The following CFAP47 variants were observed in gnomAD, a reference collection of about 807,000 sequenced individuals.
CFAP47 encodes the protein cilia and flagella associated protein 47.
Under a neutral mutation model 148.1 loss-of-function variants are expected in CFAP47, and 29 were observed. The observed-to-expected ratio is 0.20, with a 90% CI of 0.15 to 0.27. The LOEUF (loss-of-function observed/expected upper bound fraction) is 0.27. Among genes scored for constraint, CFAP47 ranks in the 10% least tolerant of loss-of-function variants. The pLI, the probability that CFAP47 is intolerant of heterozygous loss-of-function variation, is 1.00. For missense variants in CFAP47, 1,872 were observed against 1,697.5 expected, an observed-to-expected ratio of 1.10 and a Z score of -1.81; for synonymous variants, 664 against 577.3, an observed-to-expected ratio of 1.15 and a Z score of -2.15.
chrX:36,301,121 T>G lies in CFAP47; in HGVS notation c.7912T>G (p.Leu2638Val), dbSNP rs1325109995. 2 of 1,160,820 alleles carry G rather than the reference T, an allele frequency of 1.7e-6. No individual in the cohort carries two copies. The highest frequency in any genetic ancestry group is 2.3e-6 in the Non-Finnish European group (2 of 868,698). Reference protein sequence around the residue: ...MAEEFWYLLKLTIELPKPTTM... With the variant: ...MAEEFWYLLKVTIELPKPTTM... Reference sequence around the variant, plus strand: ...TGAAGAGTTCTGGTATTTACTGAAGTTAACTATTGAATTACCAAAACCAAC... The same window carrying G: ...TGAAGAGTTCTGGTATTTACTGAAGGTAACTATTGAATTACCAAAACCAAC... The change falls in exon 53 of 64, where the codon TTA (leucine) becomes GTA (valine). Residue 2638 changes from leucine to valine, a missense_variant. Physicochemically the swap from Leu to Val is conservative, Grantham distance 32. Transcript: ENST00000378653.
chrX:36,300,541 G>A (rs1343367029), intron 52 of CFAP47, among the ~76,000 whole-genome samples: 2 of 111,075 alleles, frequency 1.8e-5, no homozygotes, highest in African/African-American at 6.6e-5. Context: ...CGCCTGCCTC[G>A]GCCTCCCAAA....
intron 45 of CFAP47, chrX:36,211,577 C>G: frequency 3.5e-6 from 1 of 282,607 alleles, no homozygotes; most frequent in Non-Finnish European, 6.7e-6. Flanking sequence ...AGGAAAAATA[C>G]AAAAAGGATA....
chrX:36,227,762 G>A (rs782259180), intron 45 of CFAP47, among the ~76,000 whole-genome samples: 1 of 112,004 alleles, frequency 8.9e-6, no homozygotes, highest in South Asian at 3.7e-4. Flanking sequence ...AAAATCATTT[G>A]TTGTTTGTTG....
intron 18 of CFAP47, among the ~76,000 whole-genome samples, chrX:35,995,307 A>G (rs1936833954): frequency 9.0e-6 from 1 of 111,627 alleles, no homozygotes; most frequent in South Asian, 3.8e-4. Flanking sequence ...TAAGTTTTAG[A>G]TCATACAGGG....
intron 1 of CFAP47, among the ~76,000 whole-genome samples, chrX:35,925,076 A>G (rs1270849736): frequency 9.0e-6 from 1 of 111,646 alleles, no homozygotes; most frequent in Non-Finnish European, 1.9e-5. Context: ...TATAGTTAAT[A>G]ATAAAGTATT....
At chrX:36,206,492 T>A (rs1940040175) in intron 45 of CFAP47, among the ~76,000 whole-genome samples, 1 of 111,813 alleles carries the variant, frequency 8.9e-6, no homozygotes, top group Admixed American at 9.6e-5. Context: ...CACAGATAAG[T>A]AGCTCTTATA....
intron 49 of CFAP47, among the ~76,000 whole-genome samples, chrX:36,275,255 G>A (rs1231660409): frequency 9.2e-6 from 1 of 108,769 alleles, no homozygotes; most frequent in Non-Finnish European, 1.9e-5. Context: ...TGTATTTTTT[G>A]TAGGAACGGG....
intron 45 of CFAP47, among the ~76,000 whole-genome samples, chrX:36,224,572 A>G (rs943308257): frequency 9.8e-5 from 11 of 111,698 alleles, no homozygotes; most frequent in African/African-American, 2.9e-4. Flanking sequence ...GATATTTGAT[A>G]GCTTCTTTTA....
At chrX:36,160,179 T>G (rs56859649) in intron 38 of CFAP47, among the ~76,000 whole-genome samples, 2,613 of 111,479 alleles carry the variant, frequency 0.023, 74 homozygotes, top group African/African-American at 0.081. Context: ...AGGAAGGCAC[T>G]GAGATGCTCA....
At chrX:36,371,920 ATGTGTATATACACACATGTGTATATG>A (rs1569329848) in intron 62 of CFAP47, among the ~76,000 whole-genome samples, 1 of 54,271 alleles carries the variant, frequency 1.8e-5, no homozygotes, top group Non-Finnish European at 2.7e-5. Context: ...GTGTGTATAT[ATGTGTATATACACACATGTGTATATG>A]TGTGTGTATA....
At chrX:36,327,850 T>C (rs1347400670) in intron 57 of CFAP47, among the ~76,000 whole-genome samples, 1 of 111,418 alleles carries the variant, frequency 9.0e-6, no homozygotes, top group Non-Finnish European at 1.9e-5. Flanking sequence ...AGTAAGTTAA[T>C]GCAGGAACAG....
chrX:36,210,676 G>T (rs1940090120), intron 45 of CFAP47, among the ~76,000 whole-genome samples: 1 of 111,795 alleles, frequency 8.9e-6, no homozygotes, highest in Non-Finnish European at 1.9e-5. Context: ...TCTCTTGATA[G>T]TATCCTTTGA....
intron 57 of CFAP47, among the ~76,000 whole-genome samples, chrX:36,322,042 T>C (rs1556012081): frequency 9.0e-6 from 1 of 111,331 alleles, no homozygotes; most frequent in African/African-American, 3.3e-5. Context: ...GCTTTTTTGC[T>C]GTGTAATGAA....
intron 2 of CFAP47, among the ~76,000 whole-genome samples, chrX:35,932,187 TACAAACA>T (rs1935837770): frequency 2.7e-5 from 3 of 109,691 alleles, no homozygotes; most frequent in Admixed American, 2.0e-4. Flanking sequence ...TTGCTTGGAC[TACAAACA>T]TGCACCACCA....
Position 35,975,896 on chromosome X carries a change from C to A in CFAP47, c.2696C>A (p.Ser899Tyr). The A allele has an allele frequency of 8.3e-7, 1 of 1,210,497 alleles. No individual in the cohort carries two copies. Among genetic ancestry groups the A allele is most frequent in the African/African-American group, 1.7e-5 (1 of 57,746 alleles). ...AACACAGGAAGAGGGATAGCATTTT[C>A]TATTTGTCCAGCTAAAGGTAACAGT... ...PVNTGRGIAFSICPAKGTVEA... is the reference protein window; with the variant it reads ...PVNTGRGIAFYICPAKGTVEA... Residue 899 changes from serine to tyrosine, a missense_variant, in exon 15 of 64, where the codon TCT becomes TAT. By Grantham distance (144) the Ser-to-Tyr change is moderately radical. Coordinates refer to ENST00000378653, the MANE Select transcript of CFAP47 (RefSeq NM_001304548.2).
chrX:36,377,379 G>C (rs782622051), intron 62 of CFAP47, among the ~76,000 whole-genome samples: 40 of 112,292 alleles, frequency 3.6e-4, no homozygotes, highest in African/African-American at 1.3e-3. Flanking sequence ...GGCCAGTGAT[G>C]ATGAGCATTT....
At chrX:35,930,629 T>C (rs1310591621) in intron 2 of CFAP47, among the ~76,000 whole-genome samples, 3 of 111,683 alleles carry the variant, frequency 2.7e-5, no homozygotes, top group Non-Finnish European at 5.7e-5. Context: ...TTGATGCTTA[T>C]AGGGCTATTC....
At chrX:36,076,590 T>C (rs1937862309) in intron 29 of CFAP47, among the ~76,000 whole-genome samples, 2 of 111,022 alleles carry the variant, frequency 1.8e-5, no homozygotes, top group African/African-American at 6.5e-5. Context: ...GGGTTATTTG[T>C]TTTTTGCTTT....
At chrX:36,339,616 G>A (rs1458289444) in intron 57 of CFAP47, among the ~76,000 whole-genome samples, 8 of 111,379 alleles carry the variant, frequency 7.2e-5, no homozygotes, top group African/African-American at 2.6e-4. Context: ...CAGTGGTTAT[G>A]CAACGTGTGC....
Sources: gnomAD v4.1 joint callset for allele counts (sites outside exome capture counted in the v4.1 genomes callset) on GRCh38, gnomAD v4.1.1 for gene constraint, MANE v1.5 for transcripts, NCBI Gene and HGNC (gene_info 2026-07-23, HGNC 2026-07-21) for gene names.